Variants in ZNF419 observed in about 807,000 individuals in gnomAD.
ZNF419 encodes the protein zinc finger protein 419A.
A neutral mutation model predicts 14.9 loss-of-function variants in ZNF419; 8 were observed. That is an observed-to-expected ratio of 0.54 (90% CI 0.32 to 0.97). The LOEUF (loss-of-function observed/expected upper bound fraction) is 0.97, where lower values mean the gene tolerates loss of function less well. Ranked by LOEUF, ZNF419 falls within the 50% of genes least tolerant of loss-of-function variation. ZNF419 has a pLI of 0.04. For missense variants in ZNF419, 595 were observed against 607.2 expected (o/e 0.98, Z 0.21); for synonymous variants, 211 against 205.3 (o/e 1.03, Z -0.24).
At chr19:57,490,293 AT>A (rs1457055090) in intron 2 of ZNF419, 108 bp downstream of exon 2, 1 of 1,007,218 alleles carries the variant, frequency 9.9e-7, no homozygotes, top group Non-Finnish European at 1.5e-6. Context: ...CTACCCTTCC[AT>A]TTGAGTTCCC....
In ZNF419 at chr19:57,493,570, C is replaced by A. The variant is rs773006234; in HGVS notation, c.1013C>A (p.Thr338Asn). Residue 338 changes from threonine to asparagine, a missense_variant, in exon 5 of 5, where the codon ACT becomes AAT. Transcript: ENST00000221735. ...SSLMKHQRIH[T>N]GERPYKCSEC... ...CTCATGAAACATCAGAGAATTCACA[C>A]TGGAGAAAGACCTTATAAGTGCAGT... The A allele has an allele frequency of 1.7e-5, 27 of 1,608,872 alleles. No homozygotes were observed. Among genetic ancestry groups the A allele is most frequent in the Non-Finnish European group, 2.1e-5 (25 of 1,175,762 alleles).
At position 57,493,147 on chromosome 19, in the gene ZNF419, A is replaced by G. The variant is rs1404669572; in HGVS notation, c.590A>G (p.His197Arg). Reference sequence around the variant, plus strand: ...AGCTCCAAAAGTAGGGAGGCCTTTCATGCTGGAAAAAGGCATTACAAATGC... The same window carrying G: ...AGCTCCAAAAGTAGGGAGGCCTTTCGTGCTGGAAAAAGGCATTACAAATGC... ...HRSSKSREAF[H>R]AGKRHYKCSE... Residue 197 changes from histidine (H) to arginine (R), a missense_variant, in exon 5 of 5, where the codon CAT becomes CGT. By Grantham distance (29) the His-to-Arg change is conservative. Transcript: ENST00000221735. 3 of 1,614,262 alleles carry G rather than the reference A, an allele frequency of 1.9e-6. No individual in the cohort carries two copies. Among genetic ancestry groups the G allele is most frequent in the South Asian group, 2.2e-5 (2 of 91,086 alleles).
intron 4 of ZNF419, 54 bp from the exon 5 acceptor site, chr19:57,492,802 T>C: frequency 6.2e-7 from 1 of 1,608,528 alleles, no homozygotes; most frequent in Non-Finnish European, 8.5e-7. Context: ...GTGAGAGTGC[T>C]GCCTCCTCAC....
rs1267233467 is a variant in ZNF419, at chr19:57,490,157, C to T, written c.44C>T (p.Ala15Val). The T allele has an allele frequency of 6.2e-7, 1 of 1,613,644 alleles. No individual in the cohort carries two copies. The highest frequency in any genetic ancestry group is 8.5e-7 in the Non-Finnish European group (1 of 1,179,868). Residue 15 changes from alanine (A) to valine (V), a missense_variant, in exon 2 of 5, where the codon GCT (alanine) becomes GTT (valine). Physicochemically the swap from Ala to Val is moderately conservative, Grantham distance 64. Transcript: ENST00000221735. ...CTTGATTTTCCATAGGTTCCTGTGG[C>T]TGCAGACTTGCTTACAGACCATGAG... ...ALRDPAQVPV[A>V]ADLLTDHEEG...
chr19:57,492,803 G>GC, intron 4 of ZNF419, 53 bp from the exon 5 acceptor site: 1 of 1,611,290 alleles, frequency 6.2e-7, no homozygotes, highest in Non-Finnish European at 8.5e-7. Flanking sequence ...TGAGAGTGCT[G>GC]CCTCCTCACA....
At position 57,493,107 on chromosome 19, in the gene ZNF419, G is replaced by A. The variant is rs1254030644; in HGVS notation, c.550G>A (p.Glu184Lys). The A allele has an allele frequency of 6.2e-7, 1 of 1,614,170 alleles. No individual in the cohort carries two copies. Residue 184 changes from glutamate (E) to lysine (K), a missense_variant, in exon 5 of 5, where the codon GAG (glutamate) becomes AAG (lysine). Transcript: ENST00000221735. Reference sequence around the variant, plus strand: ...CAAGCACCAGGTGACTCACACAGGAGAGAAGTCACATAGGAGCTCCAAAAG... The same window carrying A: ...CAAGCACCAGGTGACTCACACAGGAAAGAAGTCACATAGGAGCTCCAAAAG... ...VLKHQVTHTG[E>K]KSHRSSKSRE...
At chr19:57,489,386 C>T (rs1383392283) in intron 1 of ZNF419, 1 of 151,812 alleles carries the variant, frequency 6.6e-6, no homozygotes, top group African/African-American at 2.4e-5. Context: ...AGTTAGTATA[C>T]TGGAAAGTAT....
rs753533713 is a variant in ZNF419, at chr19:57,494,013, A to T, written c.1456A>T (p.Arg486Trp). ...CACTGGAGCAAAGCCTTATGAGTGC[A>T]GGGAATGTGGGAAGTTTTTTCGCCA... Reference protein sequence around the residue: ...VHTGAKPYECRECGKFFRHNS... With the variant: ...VHTGAKPYECWECGKFFRHNS... The change falls in exon 5 of 5, where the codon AGG becomes TGG. Residue 486 changes from arginine (R) to tryptophan (W), a missense_variant. Transcript: ENST00000221735. 6.2e-7 allele frequency: 1 copy of T among 1,613,886 alleles called. No homozygotes were observed. Among genetic ancestry groups the T allele is most frequent in the South Asian group, 1.1e-5 (1 of 90,950 alleles).
At position 57,495,684 on chromosome 19, in the gene ZNF419, C is replaced by T. The variant is rs914792974; in HGVS notation, c.*1594C>T. 2 of 120,986 alleles carry T rather than the reference C, an allele frequency of 1.7e-5. No individual in the cohort carries two copies. The highest frequency in any genetic ancestry group is 6.4e-5 in the African/African-American group (2 of 31,114). The allele number at this position is 120,986 out of a possible 1,614,324, so 7.5% of individuals were successfully genotyped here. ...GAGCTTGCAGTGAGCCGAGATTGCG[C>T]CACTGCACTCCAGCCTGGGGCACAA... is the stretch of plus-strand genomic sequence containing the variant. On this transcript the variant is annotated 3_prime_UTR_variant, in exon 5 of 5. Transcript: ENST00000221735.
At position 57,487,913 on chromosome 19, in the gene ZNF419, G is replaced by C. The variant is rs1049820153; in HGVS notation, c.-38G>C. 2.5e-6 allele frequency: 4 copies of C among 1,613,654 alleles called. No homozygotes were observed. ...CCAGGGTGGCCCGGGCCCTTTCCTCGGTCATTGTCTCCCCTCCAGCTCTAC... is the reference window on the plus strand; with the variant it reads ...CCAGGGTGGCCCGGGCCCTTTCCTCCGTCATTGTCTCCCCTCCAGCTCTAC... On this transcript the variant is annotated 5_prime_UTR_variant, in exon 1 of 5. Transcript: ENST00000221735.
intron 1 of ZNF419, 151 bp downstream of exon 1, chr19:57,488,134 G>C: frequency 8.2e-7 from 1 of 1,212,778 alleles, no homozygotes; most frequent in Admixed American, 2.5e-5. Context: ...AGGGCAAGGG[G>C]CCCGGCTCGC....
chr19:57,490,577 T>G (rs113846713), intron 2 of ZNF419: 1 of 162,538 alleles, frequency 6.2e-6, no homozygotes, highest in Non-Finnish European at 1.3e-5. Flanking sequence ...CTCAAACTCC[T>G]GACCTCAGAT....
intron 1 of ZNF419, chr19:57,489,348 G>A (rs2089429703): frequency 6.6e-6 from 1 of 152,306 alleles, no homozygotes; most frequent in Non-Finnish European, 1.5e-5. Flanking sequence ...AAGTTAAACT[G>A]ATGTAAGCAC....
At position 57,495,758 on chromosome 19, in the gene ZNF419, A is replaced by G. The variant is rs2089601757; in HGVS notation, c.*1668A>G. 1.5e-5 allele frequency: 2 copies of G among 132,892 alleles called. No individual in the cohort carries two copies. The highest frequency in any genetic ancestry group is 3.2e-5 in the Non-Finnish European group (2 of 62,228). The allele number at this position is 132,892 out of a possible 1,614,324, so 8.2% of individuals were successfully genotyped here. A position where few individuals can be genotyped will look rare whatever the true frequency, so the allele number is the denominator to read the frequency against. On this transcript the variant is annotated 3_prime_UTR_variant, in exon 5 of 5. Transcript: ENST00000221735. ...AAAAAAAAAAAAAAAAAAAAAAAAA[A>G]AAAAAAAAAAAGCCTTATGTGAGTA...
In ZNF419 at chr19:57,495,897, T is replaced by G. The variant is rs1332553831; in HGVS notation, c.*1807T>G. On this transcript the variant is annotated 3_prime_UTR_variant, in exon 5 of 5. Transcript: ENST00000221735. ...TAAATGTGTACATATTCCCTATCTT[T>G]ACTGAGAGCCTAGCAAGCCATGGCA... 1 of 152,158 alleles carries G rather than the reference T, an allele frequency of 6.6e-6. No individual in the cohort carries two copies. The highest frequency in any genetic ancestry group is 2.4e-5 in the African/African-American group (1 of 41,418). The allele number at this position is 152,158 out of a possible 1,614,324, so 9.4% of individuals were successfully genotyped here. A position where few individuals can be genotyped will look rare whatever the true frequency, so the allele number is the denominator to read the frequency against.
intron 1 of ZNF419, chr19:57,488,439 G>C: frequency 5.7e-6 from 1 of 174,722 alleles, no homozygotes; most frequent in African/African-American, 2.4e-5. Context: ...ACTGGGACTG[G>C]GCCACAGAGG....
intron 4 of ZNF419, 67 bp from the exon 5 acceptor site, chr19:57,492,789 T>A (rs570264374): frequency 6.3e-7 from 1 of 1,598,062 alleles, no homozygotes; most frequent in Non-Finnish European, 8.6e-7. Context: ...GTTAGACACA[T>A]CTGTGAGAGT....
rs1219267744 is a variant in ZNF419 at position 57,493,435 on chromosome 19, G to C, written c.878G>C (p.Gly293Ala). ...AAGCCTTTTACATGCAGTGAATGTG[G>C]AAAAGCTTTCAGGCATAATTCCACA... is the stretch of plus-strand genomic sequence containing the variant. ...GEKPFTCSEC[G>A]KAFRHNSTLV... Residue 293 changes from glycine to alanine, a missense_variant, in exon 5 of 5, where the codon GGA (glycine) becomes GCA (alanine). Gly to Ala is a moderately conservative substitution (Grantham distance 60). Transcript: ENST00000221735. 9.3e-6 allele frequency: 15 copies of C among 1,614,032 alleles called. No individual in the cohort carries two copies. The highest frequency in any genetic ancestry group is 1.2e-5 in the Non-Finnish European group (14 of 1,180,030).
rs551097308 is a variant in ZNF419, at chr19:57,494,538, G to A, written c.*448G>A. The stretch of plus-strand genomic sequence containing the variant: ...CCCTGTATTCTTGGCTGTACCCGTC[G>A]AATGGAGTTTTGATCTCGCTGAGTT... On this transcript the variant is annotated 3_prime_UTR_variant, in exon 5 of 5. Transcript: ENST00000221735. 2.9e-5 allele frequency: 5 copies of A among 170,500 alleles called. No individual in the cohort carries two copies. Among genetic ancestry groups the A allele is most frequent in the Admixed American group, 1.2e-4 (2 of 16,670 alleles). The allele number at this position is 170,500 out of a possible 1,614,324, so 10.6% of individuals were successfully genotyped here.
Sources: allele counts gnomAD v4.1 joint callset, GRCh38; gene constraint gnomAD v4.1.1; transcripts MANE v1.5; gene names NCBI Gene and HGNC (gene_info 2026-07-23, HGNC 2026-07-21).